MECOM: variants seen among roughly 807,000 people sequenced by gnomAD.
MECOM encodes histone-lysine N-methyltransferase MECOM.
A neutral mutation model predicts 116.3 loss-of-function variants in MECOM; 13 were observed. That is an observed-to-expected ratio of 0.11 (90% CI 0.07 to 0.18). The LOEUF (loss-of-function observed/expected upper bound fraction) is 0.18, where lower values mean the gene tolerates loss of function less well. MECOM is among the 10% of genes least tolerant of loss of function. The probability of loss-of-function intolerance (pLI) is 1.00; values close to 1 mark genes in which losing one functional copy is unlikely to be tolerated. For missense variants in MECOM, 1,299 were observed against 1,509.0 expected, an observed-to-expected ratio of 0.86 and a Z score of 2.31; for synonymous variants, 528 against 535.2, an observed-to-expected ratio of 0.99 and a Z score of 0.19.
chr3:169,413,767 C>G (rs113071732), intron 1 of MECOM, among the ~76,000 whole-genome samples: 18,073 of 152,114 alleles, frequency 0.12, 1,392 homozygotes, highest in East Asian at 0.35. Context: ...AACAAAGCCA[C>G]CAGGAGGTTT....
chr3:169,552,722 C>A (rs547726267), intron 1 of MECOM, among the ~76,000 whole-genome samples: 7 of 151,898 alleles, frequency 4.6e-5, no homozygotes, highest in Non-Finnish European at 1.0e-4. Context: ...CTGGGTGAGT[C>A]ACTGCAGGCC....
chr3:169,520,512 C>T (rs1757215500), intron 1 of MECOM, among the ~76,000 whole-genome samples: 2 of 152,158 alleles, frequency 1.3e-5, no homozygotes, highest in African/African-American at 4.8e-5. Flanking sequence ...CATTTAGTAA[C>T]ATTAATATGG....
At chr3:169,190,288 C>T (rs555781725) in intron 2 of MECOM, among the ~76,000 whole-genome samples, 2 of 151,988 alleles carry the variant, frequency 1.3e-5, no homozygotes, top group African/African-American at 4.8e-5. Flanking sequence ...AAAATAAAGT[C>T]GGGAGTCTTT....
chr3:169,419,350 C>T (rs1034044047), intron 1 of MECOM, among the ~76,000 whole-genome samples: 1 of 152,118 alleles, frequency 6.6e-6, no homozygotes, highest in African/African-American at 2.4e-5. Flanking sequence ...ATGTTATCCC[C>T]ATCAGGCTAC....
At chr3:169,278,539 A>G (rs1412036430) in intron 2 of MECOM, among the ~76,000 whole-genome samples, 4 of 152,248 alleles carry the variant, frequency 2.6e-5, no homozygotes, top group African/African-American at 9.6e-5. Context: ...CTTTCAAATA[A>G]TCTCAGAAAC....
chr3:169,386,671 AT>A (rs887381514), intron 1 of MECOM, among the ~76,000 whole-genome samples: 57 of 152,148 alleles, frequency 3.7e-4, no homozygotes, highest in African/African-American at 1.4e-3. Context: ...TAATTTTCTG[AT>A]ATCATAAATA....
At chr3:169,265,433 A>G (rs1758149247) in intron 2 of MECOM, among the ~76,000 whole-genome samples, 1 of 152,232 alleles carries the variant, frequency 6.6e-6, no homozygotes, top group Non-Finnish European at 1.5e-5. Flanking sequence ...TATTTGCTAA[A>G]GTATGTACTG....
chr3:169,400,483 G>A (rs1013201501), intron 1 of MECOM, among the ~76,000 whole-genome samples: 3 of 152,126 alleles, frequency 2.0e-5, no homozygotes, highest in East Asian at 1.9e-4. Flanking sequence ...TGATTGAGCC[G>A]TCATTCCCAG....
chr3:169,090,204 G>A lies in MECOM; in HGVS notation c.3197C>T (p.Ala1066Val). 9 of 1,612,158 alleles carry A rather than the reference G, an allele frequency of 5.6e-6. No homozygotes were observed. The highest frequency in any genetic ancestry group is 7.6e-6 in the Non-Finnish European group (9 of 1,179,288). ...GTCTGAATTTTGACTGGTCACCAAA[G>A]CCTTTTCATCTTTAAAATGACTGCC... Reference protein sequence around the residue: ...MNGSHFKDEKALVTSQNSDLL... With the variant: ...MNGSHFKDEKVLVTSQNSDLL... Residue 1066 changes from alanine to valine, a missense_variant, in exon 15 of 17, where the codon GCT (alanine) becomes GTT (valine). Around this residue, in one of 6 missense-constraint regions of MECOM, gnomAD observed 273 missense variants for 289.3 expected, o/e 0.94. Coordinates refer to ENST00000651503, the MANE Select transcript of MECOM (RefSeq NM_004991.4).
At chr3:169,394,687 T>C (rs547994296) in intron 1 of MECOM, among the ~76,000 whole-genome samples, 89 of 152,342 alleles carry the variant, frequency 5.8e-4, no homozygotes, top group Non-Finnish European at 8.1e-4. Context: ...GTACATATTA[T>C]GAGCCATAGG....
intron 2 of MECOM, among the ~76,000 whole-genome samples, chr3:169,264,252 T>C (rs1272672301): frequency 6.6e-6 from 1 of 152,202 alleles, no homozygotes; most frequent in Non-Finnish European, 1.5e-5. Context: ...TTATTGTTGA[T>C]GTTGTTGTTG....
At chr3:169,488,319 G>A (rs1015166017) in intron 1 of MECOM, among the ~76,000 whole-genome samples, 2 of 146,472 alleles carry the variant, frequency 1.4e-5, no homozygotes, top group Non-Finnish European at 3.0e-5. Context: ...TTGAGACCAG[G>A]AGTTCAAGAC....
intron 2 of MECOM, among the ~76,000 whole-genome samples, chr3:169,246,166 A>C (rs1755561601): frequency 6.6e-6 from 1 of 152,250 alleles, no homozygotes. Flanking sequence ...TTATGATAAT[A>C]CTAAAAGCAT....
intron 2 of MECOM, among the ~76,000 whole-genome samples, chr3:169,331,921 C>T (rs575042257): frequency 2.0e-5 from 3 of 150,184 alleles, no homozygotes; most frequent in African/African-American, 2.5e-5. Context: ...AAGTGAGATG[C>T]GTACTGGGAT....
intron 2 of MECOM, among the ~76,000 whole-genome samples, chr3:169,375,026 C>T (rs549838424): frequency 1.8e-4 from 27 of 151,840 alleles, no homozygotes; most frequent in Non-Finnish European, 3.5e-4. Context: ...AAGGGAGACC[C>T]TGTCTCTAAA....
chr3:169,627,560 A>G (rs1771535242), intron 1 of MECOM, among the ~76,000 whole-genome samples: 1 of 152,256 alleles, frequency 6.6e-6, no homozygotes, highest in Non-Finnish European at 1.5e-5. Context: ...TGAAATTGTT[A>G]TTCCTTACAC....
At chr3:169,182,633 A>C (rs1746118729) in intron 2 of MECOM, among the ~76,000 whole-genome samples, 2 of 152,222 alleles carry the variant, frequency 1.3e-5, no homozygotes, top group African/African-American at 2.4e-5. Context: ...CTTAAAAGAA[A>C]GTCATTTGGT....
Position 169,378,562 on chromosome 3 carries a change from GAA to G in MECOM, c.375+2623_375+2624del, listed in dbSNP as rs1731810328. Among the ~76,000 whole-genome samples the G allele has an allele frequency of 2.9e-5, 4 of 137,376 alleles. 1 individual carries two copies. Among genetic ancestry groups the G allele is most frequent in the Non-Finnish European group, 6.2e-5 (4 of 64,440 alleles). 90.1% of individuals were successfully genotyped at this position (137,376 alleles called of 152,430 possible). ...AGAAAGAAAGAAAGAAAGAAAGAAA[GAA>G]AGAAAGAAAGAAAGAAAGAAAGTAA... is the stretch of plus-strand genomic sequence containing the variant. On this transcript the variant is annotated intron_variant, in intron 2 of 16. Coordinates refer to ENST00000651503, the MANE Select transcript of MECOM (RefSeq NM_004991.4).
intron 1 of MECOM, among the ~76,000 whole-genome samples, chr3:169,494,465 A>G (rs1293538783): frequency 6.6e-6 from 1 of 152,136 alleles, no homozygotes; most frequent in Non-Finnish European, 1.5e-5. Context: ...CTAACTGTTG[A>G]GAATACAATT....
Sources: gnomAD v4.1 joint callset for allele counts (sites outside exome capture counted in the v4.1 genomes callset) on GRCh38, gnomAD v4.1.1 for gene constraint, gnomAD v4.1.1 regional missense constraint, MANE v1.5 for transcripts, NCBI Gene and HGNC (gene_info 2026-07-23, HGNC 2026-07-21) for gene names.